Variants in DNAL1 observed in about 807,000 individuals in gnomAD.
DNAL1 encodes chromosome 14 open reading frame 168.
DNAL1 carries 17 observed loss-of-function variants against 29.4 expected under a neutral mutation model. That is an observed-to-expected ratio of 0.58 (90% CI 0.40 to 0.87). The LOEUF (loss-of-function observed/expected upper bound fraction) is 0.87. DNAL1 is among the 40% of genes least tolerant of loss of function. The pLI, the probability that DNAL1 is intolerant of heterozygous loss-of-function variation, is 0.00. For synonymous variants in DNAL1, 78 were observed against 76.3 expected (o/e 1.02, Z -0.12); for missense variants, 188 against 214.1 (o/e 0.88, Z 0.76).
At chr14:73,677,884 T>TATTTGTGTGTGTGTGTG (rs1555402397) in intron 5 of DNAL1, among the ~76,000 whole-genome samples, 5 of 96,128 alleles carry the variant, frequency 5.2e-5, no homozygotes, top group Non-Finnish European at 8.9e-5. Context: ...ATATATATAT[T>TATTTGTGTGTGTGTGTG]TGTGTGTGTG....
At chr14:73,671,432 G>A in intron 4 of DNAL1, 110 bp from the exon 5 acceptor site, 3 of 1,144,540 alleles carry the variant, frequency 2.6e-6, no homozygotes, top group Non-Finnish European at 2.2e-6. Context: ...CTTACTCATT[G>A]TATAAGGATA....
chr14:73,655,013 G>T, intron 2 of DNAL1, 128 bp downstream of exon 2: 1 of 923,242 alleles, frequency 1.1e-6, no homozygotes. Context: ...CTTGTCTATG[G>T]TGGTGGATGC....
chr14:73,678,511 C>CTTTTTTT (rs11379191), intron 5 of DNAL1, among the ~76,000 whole-genome samples: 2 of 118,192 alleles, frequency 1.7e-5, no homozygotes, highest in African/African-American at 6.3e-5. Context: ...AGCAGGTATT[C>CTTTTTTT]TTTTTTTTTT....
chr14:73,691,848 C>CG (rs1045919989), intron 7 of DNAL1, among the ~76,000 whole-genome samples: 22 of 65,198 alleles, frequency 3.4e-4, no homozygotes, highest in African/African-American at 1.0e-3. Flanking sequence ...CGTGCGCCAC[C>CG]CCCCCCCCCC....
Position 73,697,463 on chromosome 14 carries a change from C to G in DNAL1, c.*1521C>G, listed in dbSNP as rs558292712. 6.6e-6 allele frequency: 1 copy of G among 152,160 alleles called. No individual in the cohort carries two copies. Among genetic ancestry groups the G allele is most frequent in the African/African-American group, 2.4e-5 (1 of 41,396 alleles). 9.4% of individuals were successfully genotyped at this position (152,160 alleles called of 1,614,324 possible). A position where few individuals can be genotyped will look rare whatever the true frequency, so the allele number is the denominator to read the frequency against. On this transcript the variant is annotated 3_prime_UTR_variant, in exon 8 of 8. Transcript: ENST00000553645. ...ATCAACTCTAAATACAAACAAGAGG[C>G]CAGGCGTGGTGGCTCATGCCTGTCA...
intron 5 of DNAL1, 47 bp from the exon 6 acceptor site, chr14:73,687,208 CAGAA>C (rs1164162183): frequency 7.5e-6 from 12 of 1,597,588 alleles, no homozygotes; most frequent in South Asian, 4.5e-5. Context: ...AAGAAGAAGA[CAGAA>C]AGAAAAGCTT....
intron 4 of DNAL1, among the ~76,000 whole-genome samples, chr14:73,669,666 A>G (rs1053842925): frequency 6.6e-6 from 1 of 152,092 alleles, no homozygotes; most frequent in Non-Finnish European, 1.5e-5. Flanking sequence ...CTGGCATCAA[A>G]TGATACTCCC....
At chr14:73,670,415 T>C (rs535212248) in intron 4 of DNAL1, among the ~76,000 whole-genome samples, 2 of 152,356 alleles carry the variant, frequency 1.3e-5, no homozygotes, top group Admixed American at 6.5e-5. Flanking sequence ...AAGTTATAGA[T>C]GTTTAAGTTA....
chr14:73,673,101 A>G (rs951594364), intron 5 of DNAL1: 3 of 152,202 alleles, frequency 2.0e-5, no homozygotes, highest in Admixed American at 2.0e-4. Flanking sequence ...GGTAAGTTTA[A>G]GGATATTTAG....
At chr14:73,691,447 G>A (rs1892169603) in intron 7 of DNAL1, among the ~76,000 whole-genome samples, 1 of 151,958 alleles carries the variant, frequency 6.6e-6, no homozygotes, top group Non-Finnish European at 1.5e-5. Context: ...TACTCAGGAG[G>A]CTAAGGCAGG....
At chr14:73,676,982 T>TA (rs1269795862) in intron 5 of DNAL1, among the ~76,000 whole-genome samples, 1 of 150,704 alleles carries the variant, frequency 6.6e-6, no homozygotes, top group Non-Finnish European at 1.5e-5. Context: ...TTTTTTTTTT[T>TA]TTAATTGAGA....
At chr14:73,653,427 C>T (rs1026418860) in intron 1 of DNAL1, among the ~76,000 whole-genome samples, 1 of 152,198 alleles carries the variant, frequency 6.6e-6, no homozygotes, top group African/African-American at 2.4e-5. Flanking sequence ...TCATCCCTCA[C>T]TGTAACCTCG....
chr14:73,684,909 AC>A (rs1891977843), intron 5 of DNAL1, among the ~76,000 whole-genome samples: 1 of 147,990 alleles, frequency 6.8e-6, no homozygotes, highest in Non-Finnish European at 1.5e-5. Context: ...TAAAAAACAA[AC>A]TAAAAAAATA....
intron 5 of DNAL1, among the ~76,000 whole-genome samples, chr14:73,683,158 G>A (rs1030829802): frequency 1.3e-5 from 2 of 152,274 alleles, no homozygotes; most frequent in East Asian, 3.9e-4. Flanking sequence ...TTACAGGCGT[G>A]AGCCACCGCG....
chr14:73,687,928 G>A (rs1892060604), intron 6 of DNAL1, among the ~76,000 whole-genome samples: 2 of 151,910 alleles, frequency 1.3e-5, no homozygotes, highest in South Asian at 2.1e-4. Context: ...CATGGCACAT[G>A]TATACATACG....
chr14:73,674,606 A>G (rs1473113415), intron 5 of DNAL1, among the ~76,000 whole-genome samples: 3 of 152,196 alleles, frequency 2.0e-5, no homozygotes, highest in African/African-American at 7.2e-5. Context: ...CAGTAGTACA[A>G]TCACAGCTCA....
intron 5 of DNAL1, among the ~76,000 whole-genome samples, chr14:73,682,574 T>C (rs1192319325): frequency 6.6e-6 from 1 of 151,928 alleles, no homozygotes; most frequent in African/African-American, 2.4e-5. Flanking sequence ...CATTGTATAG[T>C]AGTATAAAAA....
chr14:73,669,668 G>T (rs892552957), intron 4 of DNAL1, among the ~76,000 whole-genome samples: 36 of 152,050 alleles, frequency 2.4e-4, no homozygotes, highest in Non-Finnish European at 5.9e-5. Flanking sequence ...GGCATCAAAT[G>T]ATACTCCCAC....
chr14:73,689,612 A>C, intron 7 of DNAL1, 97 bp downstream of exon 7: 4 of 1,512,008 alleles, frequency 2.6e-6, no homozygotes, highest in Non-Finnish European at 2.7e-6. Context: ...AAGAAAAAAT[A>C]CCTCTGATCT....
Sources: allele counts gnomAD v4.1 joint callset (sites outside exome capture counted in the v4.1 genomes callset), GRCh38; gene constraint gnomAD v4.1.1; transcripts MANE v1.5; gene names NCBI Gene and HGNC (gene_info 2026-07-23, HGNC 2026-07-21).